Variants in USP43 observed in about 807,000 individuals in gnomAD.
The protein encoded by USP43 is ubiquitin carboxyl-terminal hydrolase 43.
A neutral mutation model predicts 90.7 loss-of-function variants in USP43; 33 were observed. The observed-to-expected ratio is 0.36, with a 90% CI of 0.28 to 0.49. USP43 has a LOEUF of 0.49. USP43 is among the 20% of genes least tolerant of loss of function. The pLI, the probability that USP43 is intolerant of heterozygous loss-of-function variation, is 0.98. For missense variants in USP43, 1,274 were observed against 1,476.4 expected (o/e 0.86, Z 2.25); for synonymous variants, 598 against 615.8 (o/e 0.97, Z 0.43).
intron 5 of USP43, among the ~76,000 whole-genome samples, chr17:9,678,980 A>T (rs1484409481): frequency 1.3e-5 from 2 of 152,154 alleles, no homozygotes; most frequent in Admixed American, 1.3e-4. Context: ...GGTATGCATT[A>T]AATCCCCTTA....
In USP43 at chr17:9,682,829, C is replaced by T. The variant is rs1197141278; in HGVS notation, c.1112C>T (p.Pro371Leu). 3.7e-6 allele frequency: 6 copies of T among 1,613,808 alleles called. No individual in the cohort carries two copies. The Admixed American group carries it at 1.0e-4, about 27-fold the overall frequency. Residue 371 changes from proline (P) to leucine (L), a missense_variant, in exon 7 of 15, where the codon CCA becomes CTA. Around this residue, in one of 6 missense-constraint regions of USP43, gnomAD observed 253 missense variants for 276.0 expected, o/e 0.92. Coordinates refer to ENST00000285199, the MANE Select transcript of USP43 (RefSeq NM_153210.5). ...GTCATTCTCTCCCTTCTAGCTCATCCACTGGGTCTGTCGGCCTCCCCACGC... is the reference window on the plus strand; with the variant it reads ...GTCATTCTCTCCCTTCTAGCTCATCTACTGGGTCTGTCGGCCTCCCCACGC... Reference protein sequence around the residue: ...SPSQGTLSAHPLGLSASPRLA... With the variant: ...SPSQGTLSAHLLGLSASPRLA...
intron 9 of USP43, among the ~76,000 whole-genome samples, chr17:9,697,357 A>G (rs578103362): frequency 1.3e-5 from 2 of 151,518 alleles, no homozygotes; most frequent in South Asian, 2.1e-4. Flanking sequence ...TTTAAGATTC[A>G]TGGGTACGAG....
At chr17:9,656,327 A>T in intron 1 of USP43, 76 bp from the exon 2 acceptor site, 1 of 1,538,456 alleles carries the variant, frequency 6.5e-7, no homozygotes, top group South Asian at 1.3e-5. Flanking sequence ...CACTTGGTAG[A>T]CCTGGTGCTC....
chr17:9,681,474 A>C (rs1187275120), intron 6 of USP43, among the ~76,000 whole-genome samples: 3 of 18,964 alleles, frequency 1.6e-4, no homozygotes, highest in Admixed American at 7.3e-4. Context: ...ATATATATAT[A>C]TATATATATA....
chr17:9,728,088 A>G lies in USP43; in HGVS notation c.2470A>G (p.Lys824Glu). The change falls in exon 15 of 15, where the codon AAA (lysine) becomes GAA (glutamate). Residue 824 changes from lysine to glutamate, a missense_variant. Coordinates refer to ENST00000285199, the MANE Select transcript of USP43 (RefSeq NM_153210.5). The surrounding 1 kb of genome is among the most constrained non-coding windows in gnomAD (Gnocchi z 6.2). ...GCGGTGGTCCTTTGGATCCAAGGAG[A>G]AACCACCAGGTGCCTCCGTCGAGTT... ...PLRWSFGSKEKPPGASVELVE... is the reference protein window; with the variant it reads ...PLRWSFGSKEEPPGASVELVE... The G allele has an allele frequency of 6.2e-7, 1 of 1,613,862 alleles. No homozygotes were observed. The highest frequency in any genetic ancestry group is 8.5e-7 in the Non-Finnish European group (1 of 1,179,862).
intron 2 of USP43, among the ~76,000 whole-genome samples, chr17:9,665,355 C>T (rs1912965310): frequency 6.6e-6 from 1 of 152,124 alleles, no homozygotes; most frequent in Non-Finnish European, 1.5e-5. Context: ...TTAATTGACT[C>T]ACAGTTCCAC....
intron 2 of USP43, among the ~76,000 whole-genome samples, chr17:9,661,366 A>T (rs562578350): frequency 7.9e-5 from 12 of 151,646 alleles, no homozygotes; most frequent in African/African-American, 2.9e-4. Flanking sequence ...TTATTTATTT[A>T]TTTTTTTTGA....
chr17:9,673,643 C>T (rs1322223106), intron 3 of USP43, among the ~76,000 whole-genome samples: 3 of 152,144 alleles, frequency 2.0e-5, no homozygotes, highest in South Asian at 4.2e-4. Context: ...GACACCTCAC[C>T]GACTTCTACG....
chr17:9,724,282 C>T (rs376503676), intron 14 of USP43, among the ~76,000 whole-genome samples: 234 of 152,196 alleles, frequency 1.5e-3, no homozygotes, highest in African/African-American at 5.1e-3. Flanking sequence ...CTTACCTTAA[C>T]GGGGACCAGA....
chr17:9,723,615 G>A (rs1342700871), intron 14 of USP43, among the ~76,000 whole-genome samples: 1 of 131,282 alleles, frequency 7.6e-6, no homozygotes, highest in Non-Finnish European at 1.6e-5. Flanking sequence ...ATGGAGTTTC[G>A]CTCTGTGGCC....
At chr17:9,682,781 C>G (rs368021770) in intron 6 of USP43, 42 bp from the exon 7 acceptor site, 2 of 1,597,920 alleles carry the variant, frequency 1.3e-6, no homozygotes, top group South Asian at 2.2e-5. Context: ...AGGAAAGCAG[C>G]TCCTTTAGGA....
chr17:9,665,906 G>A (rs1913007449), intron 2 of USP43, among the ~76,000 whole-genome samples: 1 of 152,138 alleles, frequency 6.6e-6, no homozygotes, highest in African/African-American at 2.4e-5. Flanking sequence ...AAAGAGTCAA[G>A]GAACAGACTC....
chr17:9,701,761 G>C lies in USP43; in HGVS notation c.2011+61G>C. 2.1e-6 allele frequency: 3 copies of C among 1,409,214 alleles called. No homozygotes were observed. Among genetic ancestry groups the C allele is most frequent in the Non-Finnish European group, 2.9e-6 (3 of 1,052,484 alleles). The allele number at this position is 1,409,214 out of a possible 1,614,324, so 87.3% of individuals were successfully genotyped here. ...TGGCCACAGCCTCGAGATGTCCCTG[G>C]AATGGGTGTTGCTCAGATGCTGAGC... On this transcript the variant is annotated intron_variant, in intron 12 of 14. Coordinates refer to ENST00000285199, the MANE Select transcript of USP43 (RefSeq NM_153210.5). This position sits in a 1 kb window ranked among gnomAD's most constrained non-coding sequence, Gnocchi z 7.2.
At chr17:9,715,548 G>A (rs1916458760) in intron 14 of USP43, among the ~76,000 whole-genome samples, 1 of 147,838 alleles carries the variant, frequency 6.8e-6, no homozygotes, top group Non-Finnish European at 1.5e-5. Flanking sequence ...GTGTGTCTGT[G>A]TCTTTGTGTG....
At chr17:9,720,321 C>CAAA (rs980644442) in intron 14 of USP43, among the ~76,000 whole-genome samples, 27 of 43,682 alleles carry the variant, frequency 6.2e-4, no homozygotes, top group African/African-American at 1.5e-3. Flanking sequence ...GACTCCATCT[C>CAAA]AAAAAAAAAA....
At chr17:9,706,277 G>C (rs1367720476) in intron 12 of USP43, among the ~76,000 whole-genome samples, 1 of 152,140 alleles carries the variant, frequency 6.6e-6, no homozygotes, top group African/African-American at 2.4e-5. Context: ...TTGCAAGTAT[G>C]TGTTCCCTGT....
chr17:9,681,462 T>TCATATA lies in USP43; in HGVS notation c.1105+1096_1105+1097insCATATA, dbSNP rs1555550104. Among the ~76,000 whole-genome samples, 15 of 18,580 alleles carry TCATATA rather than the reference T, an allele frequency of 8.1e-4. No homozygotes were observed. In the Admixed American group the frequency reaches 0.011, roughly 14 times the overall value. The allele number at this position is 18,580 out of a possible 152,430, so 12.2% of individuals were successfully genotyped here. On this transcript the variant is annotated intron_variant, in intron 6 of 14. Transcript: ENST00000285199. ...TATAGATAAATATATATAAAATATA[T>TCATATA]TATATATATATATATATATATATAT...
intron 12 of USP43, among the ~76,000 whole-genome samples, chr17:9,704,546 G>A (rs1406471205): frequency 2.6e-5 from 4 of 152,070 alleles, no homozygotes; most frequent in African/African-American, 7.2e-5. Context: ...TGAACTCCTG[G>A]CCTCAAATGA....
At chr17:9,692,230 G>A (rs1004456374) in intron 8 of USP43, among the ~76,000 whole-genome samples, 2 of 151,800 alleles carry the variant, frequency 1.3e-5, no homozygotes, top group African/African-American at 2.4e-5. Flanking sequence ...GTGGTGGCAG[G>A]CACCTGTAAT....
Sources: allele counts gnomAD v4.1 joint callset (sites outside exome capture counted in the v4.1 genomes callset), GRCh38; gene constraint gnomAD v4.1.1; regional missense constraint gnomAD v4.1.1; non-coding constraint Gnocchi (gnomAD v3.1); transcripts MANE v1.5; gene names NCBI Gene and HGNC (gene_info 2026-07-23, HGNC 2026-07-21).